Variants in CYREN observed in about 807,000 individuals in gnomAD.
CYREN encodes cell cycle regulator of NHEJ, also known as cell cycle regulator of non-homologous end joining.
CYREN carries 7 observed loss-of-function variants against 9.7 expected under a neutral mutation model. That is an observed-to-expected ratio of 0.72 (90% confidence interval 0.41 to 1.36). The LOEUF is 1.36. Ranked by LOEUF, CYREN falls within the 40% of genes most tolerant of loss-of-function variation. CYREN has a pLI of 0.01. For synonymous variants in CYREN, 76 were observed against 77.9 expected, an observed-to-expected ratio of 0.98 and a Z score of 0.13; for missense variants, 215 against 198.1, an observed-to-expected ratio of 1.09 and a Z score of -0.51.
intron 2 of CYREN, among the ~76,000 whole-genome samples, chr7:135,116,994 C>T (rs1036194491): frequency 6.6e-6 from 1 of 152,172 alleles, no homozygotes; most frequent in African/African-American, 2.4e-5. Flanking sequence ...TTGTGTTGTT[C>T]CTTTGTTCTT....
intron 2 of CYREN, among the ~76,000 whole-genome samples, chr7:135,159,925 A>G (rs181271431): frequency 2.2e-4 from 34 of 152,364 alleles, no homozygotes; most frequent in African/African-American, 7.5e-4. Context: ...CACTCTCTGA[A>G]ACTGCTGGTG....
chr7:135,168,678 C>T, intron 2 of CYREN, 108 bp downstream of exon 2: 5 of 1,462,634 alleles, frequency 3.4e-6, no homozygotes, highest in South Asian at 2.7e-5. Flanking sequence ...GACTGAAACA[C>T]CCGCCCATCT....
At chr7:135,138,488 A>C (rs530366921) in intron 2 of CYREN, among the ~76,000 whole-genome samples, 1 of 152,166 alleles carries the variant, frequency 6.6e-6, no homozygotes, top group East Asian at 1.9e-4. Flanking sequence ...AAAGGATTGG[A>C]TTCATTGTAA....
At chr7:135,129,181 A>C in intron 2 of CYREN, 1 of 1,428,432 alleles carries the variant, frequency 7.0e-7, no homozygotes, top group East Asian at 2.3e-5. Context: ...CTGATGGCAG[A>C]TGTGGTGTAC....
At chr7:135,145,218 A>C (rs994483994) in intron 2 of CYREN, among the ~76,000 whole-genome samples, 2 of 152,110 alleles carry the variant, frequency 1.3e-5, no homozygotes, top group Admixed American at 1.3e-4. Context: ...TTTTAACCTA[A>C]AATTTTATAT....
At chr7:135,141,745 G>A (rs958517613) in intron 2 of CYREN, among the ~76,000 whole-genome samples, 2 of 151,934 alleles carry the variant, frequency 1.3e-5, no homozygotes, top group African/African-American at 4.8e-5. Flanking sequence ...CTCATATGTT[G>A]TATATTTGTT....
downstream of CYREN, among the ~76,000 whole-genome samples, chr7:135,161,850 GT>G (rs1400955524): frequency 1.3e-5 from 2 of 152,182 alleles, no homozygotes; most frequent in Non-Finnish European, 1.5e-5. The surrounding 1 kb of genome is among the most constrained non-coding windows in gnomAD (Gnocchi z 4.1). Flanking sequence ...CACTCTGACT[GT>G]CCCCACTGGG....
At chr7:135,155,316 C>A (rs1254916238) in intron 2 of CYREN, among the ~76,000 whole-genome samples, 1 of 152,118 alleles carries the variant, frequency 6.6e-6, no homozygotes, top group Non-Finnish European at 1.5e-5. Flanking sequence ...AGCATTTAAT[C>A]CATTTACATT....
intron 2 of CYREN, among the ~76,000 whole-genome samples, chr7:135,110,183 G>C (rs1825412523): frequency 6.6e-6 from 1 of 152,102 alleles, no homozygotes. Flanking sequence ...TGGGAGCTCT[G>C]TCTCAGGGAG....
intron 2 of CYREN, among the ~76,000 whole-genome samples, chr7:135,145,627 A>G (rs1380959718): frequency 1.3e-5 from 2 of 152,224 alleles, no homozygotes; most frequent in African/African-American, 4.8e-5. Flanking sequence ...ATAGAAAACC[A>G]AGCAAGCAAA....
At chr7:135,158,745 A>G (rs1829856093) in intron 2 of CYREN, among the ~76,000 whole-genome samples, 1 of 152,272 alleles carries the variant, frequency 6.6e-6, no homozygotes, top group African/African-American at 2.4e-5. Flanking sequence ...ATCTGTCTCA[A>G]TAGCAGCCCA....
chr7:135,142,538 G>A (rs1829472039), intron 2 of CYREN, among the ~76,000 whole-genome samples: 1 of 151,978 alleles, frequency 6.6e-6, no homozygotes, highest in Non-Finnish European at 1.5e-5. Flanking sequence ...AACTGTATTT[G>A]TTCACAGATA....
At chr7:135,135,943 TAC>T (rs1380216642) in intron 2 of CYREN, among the ~76,000 whole-genome samples, 1 of 152,118 alleles carries the variant, frequency 6.6e-6, no homozygotes, top group Non-Finnish European at 1.5e-5. Context: ...TGTAAAGATG[TAC>T]AGTTTCCTTT....
chr7:135,120,073 G>T (rs188780677), intron 2 of CYREN, among the ~76,000 whole-genome samples: 77 of 152,144 alleles, frequency 5.1e-4, no homozygotes, highest in African/African-American at 1.7e-3. Flanking sequence ...TCAGATAAAA[G>T]AAAATGAAGA....
chr7:135,102,262 T>C (rs1354381853), intron 2 of CYREN, among the ~76,000 whole-genome samples: 3 of 152,214 alleles, frequency 2.0e-5, no homozygotes, highest in Admixed American at 6.5e-5. Context: ...AGTTTCTTCA[T>C]TAGGTCTAAA....
At chr7:135,138,061 G>C (rs913463212) in intron 2 of CYREN, among the ~76,000 whole-genome samples, 3 of 152,092 alleles carry the variant, frequency 2.0e-5, no homozygotes, top group Admixed American at 2.0e-4. Context: ...AACAACCGCT[G>C]ACTACAGTTC....
intron 2 of CYREN, among the ~76,000 whole-genome samples, chr7:135,105,145 C>A (rs1483174592): frequency 2.0e-5 from 3 of 148,208 alleles, no homozygotes; most frequent in African/African-American, 7.4e-5. Flanking sequence ...TCTTGGCTCA[C>A]TGCAACCTCC....
intron 2 of CYREN, among the ~76,000 whole-genome samples, chr7:135,142,883 T>C (rs920923686): frequency 1.3e-5 from 2 of 152,332 alleles, no homozygotes; most frequent in South Asian, 4.1e-4. Flanking sequence ...ATTGTCAAGA[T>C]GTCAGTTCTT....
At position 135,141,824 on chromosome 7, in the gene CYREN, G is replaced by A. The variant is rs182945798; in HGVS notation, n.356+26925C>T. ...TTGTTTACCCATAAGTAATTCAGGA[G>A]CAAATTGTTTAATTTCTATGTAATT... On this transcript the variant is annotated intron_variant and non_coding_transcript_variant, in intron 2 of 2. Transcript: ENST00000459937. Among the ~76,000 whole-genome samples, 187 of 152,250 alleles carry A rather than the reference G, an allele frequency of 1.2e-3. 1 individual carries two copies. The highest frequency in any genetic ancestry group is 2.6e-3 in the Admixed American group (39 of 15,280).
Sources: allele counts gnomAD v4.1 joint callset (sites outside exome capture counted in the v4.1 genomes callset), GRCh38; gene constraint gnomAD v4.1.1; non-coding constraint Gnocchi (gnomAD v3.1); transcripts MANE v1.5; gene names NCBI Gene and HGNC (gene_info 2026-07-23, HGNC 2026-07-21).